The following STARD13 variants were observed in gnomAD, a reference collection of about 807,000 sequenced individuals.
STARD13 encodes the protein StAR related lipid transfer domain containing 13.
STARD13 carries 62 observed loss-of-function variants against 106.4 expected under a neutral mutation model. The ratio of observed to expected loss-of-function variants is 0.58; its 90% CI spans 0.48 to 0.72. STARD13 has a LOEUF of 0.72. Among genes scored for constraint, STARD13 ranks in the 30% least tolerant of loss-of-function variants. STARD13 has a pLI of 0.00. For synonymous variants in STARD13, 565 were observed against 553.0 expected, an observed-to-expected ratio of 1.02 and a Z score of -0.31; for missense variants, 1,387 against 1,424.0, an observed-to-expected ratio of 0.97 and a Z score of 0.42.
chr13:33,329,655 ATGTGTG>A (rs34427794), intron 1 of STARD13, among the ~76,000 whole-genome samples: 54 of 144,302 alleles, frequency 3.7e-4, no homozygotes, highest in South Asian at 8.9e-4. Context: ...GTGTGTGTGT[ATGTGTG>A]TGTGTGTGTG....
chr13:33,477,684 C>T, the STARD13 span, among the ~76,000 whole-genome samples: 1 of 152,158 alleles, frequency 6.6e-6, no homozygotes, highest in Non-Finnish European at 1.5e-5. Flanking sequence ...TTCTTCATCC[C>T]ATTATTCCAC....
At chr13:33,666,620 G>A in the STARD13 span, among the ~76,000 whole-genome samples, 6,062 of 151,214 alleles carry the variant, frequency 0.04, 244 homozygotes, top group African/African-American at 0.1. Context: ...ACAGAGTCAC[G>A]CTCTGTCACC....
intron 1 of STARD13, among the ~76,000 whole-genome samples, chr13:33,258,640 A>C (rs1178398884): frequency 6.6e-6 from 1 of 152,206 alleles, no homozygotes; most frequent in African/African-American, 2.4e-5. Context: ...TTAAATCTTT[A>C]TGTGTAGTTT....
the STARD13 span, among the ~76,000 whole-genome samples, chr13:33,540,705 T>G: frequency 6.6e-6 from 1 of 152,266 alleles, no homozygotes. Context: ...ACAAAAATTC[T>G]TGGCTTATGC....
intron 1 of STARD13, among the ~76,000 whole-genome samples, chr13:33,230,586 C>G (rs1196005796): frequency 1.3e-5 from 2 of 152,110 alleles, no homozygotes; most frequent in Admixed American, 6.5e-5. Context: ...TTTTCATCAC[C>G]CTTTCCGGTC....
intron 1 of STARD13, chr13:33,350,162 C>T (rs1016878857): frequency 1.6e-6 from 2 of 1,255,746 alleles, no homozygotes; most frequent in South Asian, 2.4e-5. Context: ...GCAGCCCGCT[C>T]GCCCCGGCCT....
At chr13:33,200,808 T>G (rs370455511) in intron 1 of STARD13, among the ~76,000 whole-genome samples, 3 of 150,676 alleles carry the variant, frequency 2.0e-5, no homozygotes, top group African/African-American at 7.3e-5. Context: ...GATCACGAGG[T>G]CAGGAGATTG....
the STARD13 span, among the ~76,000 whole-genome samples, chr13:33,575,990 G>A: frequency 6.6e-5 from 10 of 152,002 alleles, no homozygotes; most frequent in Non-Finnish European, 1.3e-4. Context: ...ATCTATATGG[G>A]ACTCTTTAAC....
the STARD13 span, among the ~76,000 whole-genome samples, chr13:33,465,942 A>G: frequency 6.6e-6 from 1 of 152,164 alleles, no homozygotes; most frequent in Non-Finnish European, 1.5e-5. Context: ...AAATATAATA[A>G]TATGATGTGA....
the STARD13 span, among the ~76,000 whole-genome samples, chr13:33,460,868 G>A: frequency 6.6e-6 from 1 of 152,110 alleles, no homozygotes; most frequent in Admixed American, 6.5e-5. Context: ...AGATATAAAT[G>A]TGTGTGCTAT....
At chr13:33,596,632 A>C in the STARD13 span, among the ~76,000 whole-genome samples, 1 of 152,178 alleles carries the variant, frequency 6.6e-6, no homozygotes, top group African/African-American at 2.4e-5. Flanking sequence ...TGTGCTACCA[A>C]ATACTGGAAT....
At chr13:33,373,231 CT>C in the STARD13 span, among the ~76,000 whole-genome samples, 1 of 152,088 alleles carries the variant, frequency 6.6e-6, no homozygotes, top group African/African-American at 2.4e-5. Context: ...TTGAAGCTTC[CT>C]TTGTGCACCC....
the STARD13 span, among the ~76,000 whole-genome samples, chr13:33,450,448 G>A: frequency 1.3e-5 from 2 of 152,112 alleles, no homozygotes; most frequent in Admixed American, 6.5e-5. Context: ...TATTTTTAAT[G>A]TGCTGCTGAA....
chr13:33,296,554 C>G (rs551286819), intron 1 of STARD13, among the ~76,000 whole-genome samples: 6 of 152,180 alleles, frequency 3.9e-5, no homozygotes, highest in African/African-American at 1.4e-4. Flanking sequence ...AGCATCTCCC[C>G]CATTCCGCAT....
intron 1 of STARD13, among the ~76,000 whole-genome samples, chr13:33,333,332 G>A (rs1242228958): frequency 6.6e-6 from 1 of 152,162 alleles, no homozygotes; most frequent in East Asian, 1.9e-4. Flanking sequence ...AGGTTGCAGT[G>A]AGCCAAGATC....
chr13:33,541,431 A>G, the STARD13 span, among the ~76,000 whole-genome samples: 1 of 152,168 alleles, frequency 6.6e-6, no homozygotes, highest in Admixed American at 6.5e-5. Context: ...ACCAATCTTG[A>G]ATGATATTGC....
intron 1 of STARD13, among the ~76,000 whole-genome samples, chr13:33,259,606 A>G (rs1890535846): frequency 6.6e-6 from 1 of 152,212 alleles, no homozygotes; most frequent in Non-Finnish European, 1.5e-5. Flanking sequence ...TTAGGTCTCA[A>G]AAGATCAAGA....
intron 1 of STARD13, among the ~76,000 whole-genome samples, chr13:33,269,307 T>A (rs1041978375): frequency 2.6e-5 from 4 of 152,222 alleles, no homozygotes; most frequent in Non-Finnish European, 4.4e-5. Flanking sequence ...TTAAGGAATA[T>A]GTTTATACAG....
At chr13:33,542,697 A>G in the STARD13 span, among the ~76,000 whole-genome samples, 1 of 152,192 alleles carries the variant, frequency 6.6e-6, no homozygotes, top group East Asian at 1.9e-4. Context: ...GGAACCCTCC[A>G]GAAGTCTTAA....
Sources: allele counts gnomAD v4.1 joint callset (sites outside exome capture counted in the v4.1 genomes callset), GRCh38; gene constraint gnomAD v4.1.1; transcripts MANE v1.5; gene names NCBI Gene and HGNC (gene_info 2026-07-23, HGNC 2026-07-21).